ATP6V0A4: variants seen among roughly 807,000 people sequenced by gnomAD.
ATP6V0A4 encodes ATPase H+ transporting V0 subunit a4, also known as V-type proton ATPase 116 kDa subunit a 4.
In ATP6V0A4, 86 loss-of-function variants were observed where a neutral mutation model predicts 107.3. The ratio of observed to expected loss-of-function variants is 0.80; its 90% CI spans 0.67 to 0.96. The LOEUF (loss-of-function observed/expected upper bound fraction) is 0.96, where lower values mean the gene tolerates loss of function less well. Ranked by LOEUF, ATP6V0A4 falls within the 40% of genes least tolerant of loss-of-function variation. The pLI, the probability that ATP6V0A4 is intolerant of heterozygous loss-of-function variation, is 0.00. For synonymous variants in ATP6V0A4, 353 were observed against 381.4 expected (o/e 0.93, Z 0.87); for missense variants, 908 against 1,045.6 (o/e 0.87, Z 1.81).
intron 2 of ATP6V0A4, among the ~76,000 whole-genome samples, chr7:138,779,357 T>A (rs4732331): frequency 0.77 from 105,843 of 136,994 alleles, 37,488 homozygotes; most frequent in African/African-American, 0.81. Context: ...TAAAAAAAAA[T>A]AAATAAATAA....
intron 12 of ATP6V0A4, 187 bp from the exon 13 acceptor site, chr7:138,747,751 A>C: frequency 1.0e-6 from 1 of 991,790 alleles, no homozygotes; most frequent in South Asian, 1.8e-5. Context: ...GTTCCTAGGC[A>C]TTCTGTTTTT....
intron 18 of ATP6V0A4, among the ~76,000 whole-genome samples, chr7:138,726,224 T>G (rs930340606): frequency 5.9e-5 from 9 of 151,564 alleles, no homozygotes; most frequent in African/African-American, 2.2e-4. Flanking sequence ...CTCCTGACCT[T>G]GTGATCCGCC....
rs768223770 is a variant in ATP6V0A4 at position 138,745,103 on chromosome 7, A to G, written c.1478+20T>C. The G allele has an allele frequency of 6.2e-7, 1 of 1,601,910 alleles. No individual in the cohort carries two copies. Among genetic ancestry groups the G allele is most frequent in the Non-Finnish European group, 8.6e-7 (1 of 1,168,928 alleles). On this transcript the variant is annotated intron_variant, in intron 14 of 21. Transcript: ENST00000310018. ...CACCTGGATGGCCAGCGACTACACC[A>G]TCTCTGTCTGTCAACTCACTTCCAT...
At chr7:138,721,508 T>A (rs960220451) in intron 19 of ATP6V0A4, among the ~76,000 whole-genome samples, 8 of 152,092 alleles carry the variant, frequency 5.3e-5, no homozygotes, top group African/African-American at 1.7e-4. Flanking sequence ...CACTCCAGCC[T>A]GGGCAACAGA....
At position 138,734,142 on chromosome 7, in the gene ATP6V0A4, T is replaced by C; in HGVS notation, c.1685A>G (p.Asn562Ser). ...AGTGCATCAAGAAACTTACATGTGATTGAAAAGGCTGAGGATGACACCGAA... is the reference window on the plus strand; with the variant it reads ...AGTGCATCAAGAAACTTACATGTGACTGAAAAGGCTGAGGATGACACCGAA... The part of the protein sequence containing the change: ...MVFGVILSLF[N>S]HIYFRRTLNI... Residue 562 changes from asparagine to serine, a missense_variant, in exon 16 of 22, where the codon AAT (asparagine) becomes AGT (serine). Asn to Ser is a conservative substitution (Grantham distance 46). Coordinates refer to ENST00000310018, the MANE Select transcript of ATP6V0A4 (RefSeq NM_020632.3). 2 of 1,611,482 alleles carry C rather than the reference T, an allele frequency of 1.2e-6. No individual in the cohort carries two copies. Among genetic ancestry groups the C allele is most frequent in the Non-Finnish European group, 1.7e-6 (2 of 1,177,736 alleles).
chr7:138,767,303 A>G (rs562013376), intron 5 of ATP6V0A4, among the ~76,000 whole-genome samples: 1 of 152,326 alleles, frequency 6.6e-6, no homozygotes, highest in South Asian at 2.1e-4. Flanking sequence ...TGGGCGGATC[A>G]CCTGAGGTCA....
At chr7:138,786,569 AC>A (rs1207642207) in intron 1 of ATP6V0A4, among the ~76,000 whole-genome samples, 1 of 137,512 alleles carries the variant, frequency 7.3e-6, no homozygotes, top group East Asian at 2.2e-4. Flanking sequence ...ACAGAGTGAG[AC>A]CTTGTCTCAG....
At chr7:138,780,978 A>G (rs1487794934) in intron 2 of ATP6V0A4, among the ~76,000 whole-genome samples, 1 of 152,192 alleles carries the variant, frequency 6.6e-6, no homozygotes, top group Non-Finnish European at 1.5e-5. Context: ...TTTTTGTCTG[A>G]TTTATTTCCC....
At position 138,745,079 on chromosome 7, in the gene ATP6V0A4, A is replaced by G. The variant is rs752923890; in HGVS notation, c.1478+44T>C. 4.5e-6 allele frequency: 7 copies of G among 1,552,280 alleles called. No homozygotes were observed. In the South Asian group the frequency reaches 7.8e-5, roughly 17 times the overall value. Reference sequence around the variant, plus strand: ...AACCATGAAAACAGTCACTGAGGCCACCTGGATGGCCAGCGACTACACCAT... The same window carrying G: ...AACCATGAAAACAGTCACTGAGGCCGCCTGGATGGCCAGCGACTACACCAT... On this transcript the variant is annotated intron_variant, in intron 14 of 21. Coordinates refer to ENST00000310018, the MANE Select transcript of ATP6V0A4 (RefSeq NM_020632.3).
At chr7:138,708,016 ATTTTATTT>A (rs1803535009) in intron 21 of ATP6V0A4, among the ~76,000 whole-genome samples, 2 of 138,794 alleles carry the variant, frequency 1.4e-5, no homozygotes, top group African/African-American at 5.5e-5. Context: ...TTTATGTTTT[ATTTTATTT>A]ATTTATTTAT....
At chr7:138,739,466 CT>C in intron 15 of ATP6V0A4, 73 bp downstream of exon 15, 1 of 1,557,460 alleles carries the variant, frequency 6.4e-7, no homozygotes, top group Non-Finnish European at 8.8e-7. Flanking sequence ...CTTTGTTGGC[CT>C]TTTCTTCTCT....
intron 21 of ATP6V0A4, among the ~76,000 whole-genome samples, chr7:138,708,789 A>G (rs1441918524): frequency 6.6e-6 from 1 of 152,154 alleles, no homozygotes; most frequent in Non-Finnish European, 1.5e-5. Flanking sequence ...AACATCCCAG[A>G]TTCACTGGGC....
chr7:138,711,792 T>C lies in ATP6V0A4; in HGVS notation c.2258-1997A>G, dbSNP rs546656362. On this transcript the variant is annotated intron_variant, in intron 20 of 21. Coordinates refer to ENST00000310018, the MANE Select transcript of ATP6V0A4 (RefSeq NM_020632.3). ...TGCACAAACTCACATACGCAGACTT[T>C]CACGTGCACACGAATACTCAGATGC... Among the ~76,000 whole-genome samples, 77 of 152,340 alleles carry C rather than the reference T, an allele frequency of 5.1e-4. 1 individual carries two copies. In the South Asian group the frequency reaches 0.015, roughly 30 times the overall value.
chr7:138,745,316 G>C, intron 13 of ATP6V0A4, 36 bp from the exon 14 acceptor site: 1 of 1,613,018 alleles, frequency 6.2e-7, no homozygotes. Context: ...GATTGTCAGT[G>C]GGCTCTGAAG....
rs569274880 is a variant in ATP6V0A4, at chr7:138,747,256, C to T, written c.1320+169G>A. 2.2e-4 allele frequency among the ~76,000 whole-genome samples: 33 copies of T among 152,248 alleles called. No individual in the cohort carries two copies. In the South Asian group the frequency reaches 6.2e-3, roughly 29 times the overall value. On this transcript the variant is annotated intron_variant, in intron 13 of 21. Coordinates refer to ENST00000310018, the MANE Select transcript of ATP6V0A4 (RefSeq NM_020632.3). ...AATGCTGAAAGGAACGGCACCAAAC[C>T]ATCCAAAGGAATTACCTTTGGCCAG...
chr7:138,741,556 T>C (rs1479129820), intron 14 of ATP6V0A4, among the ~76,000 whole-genome samples: 1 of 152,198 alleles, frequency 6.6e-6, no homozygotes, highest in Non-Finnish European at 1.5e-5. Flanking sequence ...CTGGCGACTA[T>C]GATAGAGTGA....
At chr7:138,775,807 C>T (rs957921576) in intron 2 of ATP6V0A4, among the ~76,000 whole-genome samples, 4 of 151,998 alleles carry the variant, frequency 2.6e-5, no homozygotes, top group African/African-American at 7.3e-5. Context: ...CCCGCCACCA[C>T]GCCCAGCTAA....
intron 15 of ATP6V0A4, among the ~76,000 whole-genome samples, chr7:138,737,941 T>C (rs1407740923): frequency 2.0e-5 from 3 of 152,104 alleles, no homozygotes; most frequent in South Asian, 4.2e-4. Flanking sequence ...TCTGTATTTT[T>C]AGTGGAGACA....
intron 2 of ATP6V0A4, among the ~76,000 whole-genome samples, chr7:138,776,561 T>A (rs1807667145): frequency 6.6e-6 from 1 of 152,134 alleles, no homozygotes; most frequent in African/African-American, 2.4e-5. Context: ...CTCCCTCCAC[T>A]CTCCACTTCA....
Sources: gnomAD v4.1 joint callset for allele counts (sites outside exome capture counted in the v4.1 genomes callset) on GRCh38, gnomAD v4.1.1 for gene constraint, MANE v1.5 for transcripts, NCBI Gene and HGNC (gene_info 2026-07-23, HGNC 2026-07-21) for gene names.